Variants in ZDHHC23 observed in about 807,000 individuals in gnomAD.
The protein encoded by ZDHHC23 is palmitoyltransferase ZDHHC23.
ZDHHC23 carries 41 observed loss-of-function variants against 40.2 expected under a neutral mutation model. That is an observed-to-expected ratio of 1.02 (90% confidence interval 0.79 to 1.32). The LOEUF (loss-of-function observed/expected upper bound fraction) is 1.32. Ranked by LOEUF, ZDHHC23 falls within the 40% of genes most tolerant of loss-of-function variation. The probability of loss-of-function intolerance (pLI) is 0.00; values close to 1 mark genes in which losing one functional copy is unlikely to be tolerated. For missense variants in ZDHHC23, 471 were observed against 541.5 expected, an observed-to-expected ratio of 0.87 and a Z score of 1.29; for synonymous variants, 204 against 210.2, an observed-to-expected ratio of 0.97 and a Z score of 0.26.
Position 113,960,265 on chromosome 3 carries a change from T to G in ZDHHC23, c.*1635T>G. On this transcript the variant is annotated 3_prime_UTR_variant, in exon 5 of 5. Coordinates refer to ENST00000638807, the MANE Select transcript of ZDHHC23 (RefSeq NM_001320466.2). ...CTTAAGATGGTCACCATATTCTTAT[T>G]CAGGCTGTTGTCATTTTCCCCAGAG... 1 of 1,017,694 alleles carries G rather than the reference T, an allele frequency of 9.8e-7. No individual in the cohort carries two copies. The highest frequency in any genetic ancestry group is 1.2e-6 in the Non-Finnish European group (1 of 850,594). 63.0% of individuals were successfully genotyped at this position (1,017,694 alleles called of 1,614,324 possible).
chr3:113,948,960 A>T lies in ZDHHC23; in HGVS notation c.158A>T (p.Asp53Val), dbSNP rs759741215. The part of the protein sequence containing the change: ...CDCQDLDEGC[D>V]RWITCKSLQP... ...TGTCAAGATCTGGATGAAGGGTGTGATCGGTAAGAACAGAGCATTTCTTGA... is the reference window on the plus strand; with the variant it reads ...TGTCAAGATCTGGATGAAGGGTGTGTTCGGTAAGAACAGAGCATTTCTTGA... The change falls in exon 2 of 5, where the codon GAT (aspartate) becomes GTT (valine). Residue 53 changes from aspartate to valine, a missense_variant. Asp to Val is a radical substitution (Grantham distance 152, BLOSUM62 -3). Coordinates refer to ENST00000638807, the MANE Select transcript of ZDHHC23 (RefSeq NM_001320466.2). 7 of 1,614,170 alleles carry T rather than the reference A, an allele frequency of 4.3e-6. No individual in the cohort carries two copies. The highest frequency in any genetic ancestry group is 5.9e-6 in the Non-Finnish European group (7 of 1,180,044).
At chr3:113,952,176 C>T (rs1286347257) in intron 2 of ZDHHC23, among the ~76,000 whole-genome samples, 1 of 152,036 alleles carries the variant, frequency 6.6e-6, no homozygotes, top group Non-Finnish European at 1.5e-5. Context: ...TTACCCTAAG[C>T]ATTTATGAGA....
the ZDHHC23 span, chr3:113,978,054 C>G: frequency 3.2e-6 from 3 of 948,762 alleles, no homozygotes; most frequent in South Asian, 1.7e-5. Context: ...AGCCGGGACT[C>G]CCACCCCTGA....
chr3:113,958,331 G>A (rs1358143764), intron 4 of ZDHHC23, 32 bp from the exon 5 acceptor site: 16 of 1,566,496 alleles, frequency 1.0e-5, no homozygotes, highest in Admixed American at 1.9e-5. Context: ...TGACAAAAAC[G>A]GCAGCCCTGA....
chr3:113,953,802 G>C lies in ZDHHC23; in HGVS notation c.264G>C (p.Val88=). 1 of 1,614,186 alleles carries C rather than the reference G, an allele frequency of 6.2e-7. No homozygotes were observed. Among genetic ancestry groups the C allele is most frequent in the Non-Finnish European group, 8.5e-7 (1 of 1,180,028 alleles). Residue 88 remains valine, a synonymous_variant, in exon 3 of 5, where the codon GTG becomes GTC. Coordinates refer to ENST00000638807, the MANE Select transcript of ZDHHC23 (RefSeq NM_001320466.2). ...RIPWLRGAKK[V]NISIIPPLVL... is the part of the protein sequence containing the mutation. ...CTTGGCTTAGGGGAGCCAAAAAAGT[G>C]AACATCAGCATCATCCCTCCGCTTG...
In ZDHHC23 at chr3:113,956,229, A is replaced by G. The variant is rs1939216120; in HGVS notation, c.873-110A>G. On this transcript the variant is annotated intron_variant, in intron 3 of 4. Coordinates refer to ENST00000638807, the MANE Select transcript of ZDHHC23 (RefSeq NM_001320466.2). ...GCCATTGCACTTTAGCCTGAACTAC[A>G]GAGCAAGACTCCGTCTCAAAAAAAA... 5 of 1,239,926 alleles carry G rather than the reference A, an allele frequency of 4.0e-6. No homozygotes were observed. The Admixed American group carries it at 8.7e-5, about 22-fold the overall frequency. The allele number at this position is 1,239,926 out of a possible 1,614,324, so 76.8% of individuals were successfully genotyped here.
At chr3:113,965,359 C>T, downstream of ZDHHC23, 3 of 1,544,142 alleles carry the variant, frequency 1.9e-6, no homozygotes, top group Non-Finnish European at 2.6e-6. Flanking sequence ...AGAGGATCCT[C>T]CTTTAAGAAT....
the ZDHHC23 span, among the ~76,000 whole-genome samples, chr3:113,972,231 G>T: frequency 6.6e-6 from 1 of 152,018 alleles, no homozygotes; most frequent in Admixed American, 6.5e-5. Context: ...TCTCTTAAAA[G>T]AAGTTACTGC....
intron 2 of ZDHHC23, among the ~76,000 whole-genome samples, chr3:113,950,603 C>T (rs1328265857): frequency 6.6e-6 from 1 of 152,190 alleles, no homozygotes; most frequent in Non-Finnish European, 1.5e-5. Flanking sequence ...TGGAGGGACA[C>T]AGATACTTCC....
At chr3:113,970,657 T>C in the ZDHHC23 span, among the ~76,000 whole-genome samples, 1 of 152,188 alleles carries the variant, frequency 6.6e-6, no homozygotes, top group Admixed American at 6.5e-5. Flanking sequence ...CATGTTGGTG[T>C]GCTGCACCCA....
At chr3:113,955,336 C>T in intron 3 of ZDHHC23, among the ~76,000 whole-genome samples, 1 of 151,096 alleles carries the variant, frequency 6.6e-6, no homozygotes, top group East Asian at 2.0e-4. Flanking sequence ...TTTAGATGTT[C>T]TACTTCTGTG....
At chr3:113,958,181 AACAC>A (rs1373872125) in intron 4 of ZDHHC23, among the ~76,000 whole-genome samples, 178 bp from the exon 5 acceptor site, 1 of 152,186 alleles carries the variant, frequency 6.6e-6, no homozygotes, top group African/African-American at 2.4e-5. Flanking sequence ...TTATAGAATA[AACAC>A]ACACATTCTC....
At chr3:113,968,629 T>G (rs1940474537), downstream of ZDHHC23, among the ~76,000 whole-genome samples, 1 of 151,412 alleles carries the variant, frequency 6.6e-6, no homozygotes, top group South Asian at 2.1e-4. Context: ...GTTTTTTGTT[T>G]TTTTTTTTTT....
chr3:113,969,065 G>A (rs980279885), downstream of ZDHHC23, among the ~76,000 whole-genome samples: 4 of 152,204 alleles, frequency 2.6e-5, no homozygotes, highest in Middle Eastern at 3.4e-3. Flanking sequence ...GGGGGAGGGA[G>A]GTGCCAGGTT....
chr3:113,965,083 G>T, downstream of ZDHHC23: 1 of 822,788 alleles, frequency 1.2e-6, no homozygotes, highest in Non-Finnish European at 1.9e-6. Flanking sequence ...GTATGTATGT[G>T]TGTGGGTGGG....
chr3:113,956,068 C>A (rs1234142239), intron 3 of ZDHHC23, among the ~76,000 whole-genome samples: 1 of 152,080 alleles, frequency 6.6e-6, no homozygotes, highest in Non-Finnish European at 1.5e-5. Context: ...ATGGTGAAAC[C>A]CCATCTCTAC....
At chr3:113,954,939 A>G (rs1021778761) in intron 3 of ZDHHC23, among the ~76,000 whole-genome samples, 2 of 152,200 alleles carry the variant, frequency 1.3e-5, no homozygotes, top group African/African-American at 2.4e-5. Context: ...ATTTGCAGAG[A>G]AATGGGCTTT....
the ZDHHC23 span, among the ~76,000 whole-genome samples, chr3:113,973,296 TA>T: frequency 6.6e-6 from 1 of 152,218 alleles, no homozygotes; most frequent in South Asian, 2.1e-4. Context: ...CTGTTTTTGC[TA>T]GATGTGTCTT....
rs1577277603 is a variant in ZDHHC23 at position 113,960,868 on chromosome 3, G to A, written c.*2238G>A. 2 of 1,384,718 alleles carry A rather than the reference G, an allele frequency of 1.4e-6. No individual in the cohort carries two copies. Among genetic ancestry groups the A allele is most frequent in the East Asian group, 5.4e-5 (2 of 36,776 alleles). 85.8% of individuals were successfully genotyped at this position (1,384,718 alleles called of 1,614,324 possible). On this transcript the variant is annotated 3_prime_UTR_variant, in exon 5 of 5. Transcript: ENST00000638807. Reference sequence around the variant, plus strand: ...GACAGAATGCTTAAACCTGTCAAAAGATGAGTGATCTTGTGTGGGAAAAGC... The same window carrying A: ...GACAGAATGCTTAAACCTGTCAAAAAATGAGTGATCTTGTGTGGGAAAAGC...
Sources: gnomAD v4.1 joint callset for allele counts (sites outside exome capture counted in the v4.1 genomes callset) on GRCh38, gnomAD v4.1.1 for gene constraint, MANE v1.5 for transcripts, NCBI Gene and HGNC (gene_info 2026-07-23, HGNC 2026-07-21) for gene names.